The following TMEM26 variants were observed in gnomAD, a reference collection of about 807,000 sequenced individuals.
TMEM26 encodes transmembrane protein 26.
TMEM26 carries 38 observed loss-of-function variants against 28.8 expected under a neutral mutation model. The ratio of observed to expected loss-of-function variants is 1.32; its 90% CI spans 1.02 to 1.73. The LOEUF (loss-of-function observed/expected upper bound fraction) is 1.73. Among genes scored for constraint, TMEM26 ranks in the 40% most tolerant of loss-of-function variants. The probability of loss-of-function intolerance (pLI) is 0.00; values close to 1 mark genes in which losing one functional copy is unlikely to be tolerated. For synonymous variants in TMEM26, 227 were observed against 182.9 expected (o/e 1.24, Z -1.95); for missense variants, 518 against 447.1 (o/e 1.16, Z -1.43).
At chr10:61,422,776 G>C (rs1302998403) in intron 4 of TMEM26, among the ~76,000 whole-genome samples, 2 of 151,874 alleles carry the variant, frequency 1.3e-5, no homozygotes, top group Non-Finnish European at 2.9e-5. Flanking sequence ...AAAAAAAGAA[G>C]AGAAAATTAA....
At position 61,410,763 on chromosome 10, in the gene TMEM26, G is replaced by A; in HGVS notation, c.683-17C>T. 1.9e-6 allele frequency: 3 copies of A among 1,609,962 alleles called. No homozygotes were observed. In the South Asian group the frequency reaches 3.3e-5, roughly 18 times the overall value. ...CGTTCTGTACTGAAAACACAAGACA[G>A]ACTAGTTACTATCTCTCTTGGAAGT... On this transcript the variant is annotated splice_polypyrimidine_tract_variant and intron_variant, in intron 5 of 5. Coordinates refer to ENST00000399298, the MANE Select transcript of TMEM26 (RefSeq NM_178505.8).
intron 4 of TMEM26, among the ~76,000 whole-genome samples, chr10:61,420,804 G>A (rs1159336204): frequency 1.3e-5 from 2 of 151,542 alleles, no homozygotes; most frequent in Non-Finnish European, 2.9e-5. Flanking sequence ...CAGGTCGAAA[G>A]GAAATTACAC....
chr10:61,419,657 G>T (rs531956533), intron 4 of TMEM26, among the ~76,000 whole-genome samples: 9 of 152,090 alleles, frequency 5.9e-5, no homozygotes, highest in Admixed American at 5.9e-4. Flanking sequence ...AGTAAAAAAA[G>T]ATTGAAGGAA....
chr10:61,429,926 C>T (rs1839893660), intron 3 of TMEM26, among the ~76,000 whole-genome samples: 1 of 152,032 alleles, frequency 6.6e-6, no homozygotes, highest in Non-Finnish European at 1.5e-5. Context: ...ATGCAAGTGA[C>T]TTAACTATGT....
Position 61,429,061 on chromosome 10 carries a change from A to G in TMEM26, c.470T>C (p.Ile157Thr), listed in dbSNP as rs1262009663. Reference sequence around the variant, plus strand: ...AATGGGTAGAAGCCATCTTCCAATTATTAGCATTAACAGGAATGTCTGATG... The same window carrying G: ...AATGGGTAGAAGCCATCTTCCAATTGTTAGCATTAACAGGAATGTCTGATG... Reference protein sequence around the residue: ...GLHQTFLLMLIIGRWLLPIGG... With the variant: ...GLHQTFLLMLTIGRWLLPIGG... Residue 157 changes from isoleucine (I) to threonine (T), a missense_variant, in exon 4 of 6, where the codon ATA (isoleucine) becomes ACA (threonine). By Grantham distance (89) the Ile-to-Thr change is moderately conservative. Coordinates refer to ENST00000399298, the MANE Select transcript of TMEM26 (RefSeq NM_178505.8). 1.2e-6 allele frequency: 2 copies of G among 1,613,278 alleles called. No homozygotes were observed. The highest frequency in any genetic ancestry group is 1.7e-5 in the Admixed American group (1 of 59,916).
In TMEM26 at chr10:61,407,823, A is replaced by AT. The variant is rs2135280926; in HGVS notation, c.*2498dup. On this transcript the variant is annotated 3_prime_UTR_variant, in exon 6 of 6. Coordinates refer to ENST00000399298, the MANE Select transcript of TMEM26 (RefSeq NM_178505.8). ...TAGAGAGGATGACTTGCATCACATT[A>AT]TACAGGTGTTGTGAGTCAGTTATCT... is the stretch of plus-strand genomic sequence containing the variant. 1 of 152,290 alleles carries AT rather than the reference A, an allele frequency of 6.6e-6. No individual in the cohort carries two copies. Among genetic ancestry groups the AT allele is most frequent in the African/African-American group, 2.4e-5 (1 of 41,556 alleles). 9.4% of individuals were successfully genotyped at this position (152,290 alleles called of 1,614,324 possible).
chr10:61,408,311 A>C lies in TMEM26; in HGVS notation c.*2011T>G, dbSNP rs1839520846. 6.6e-6 allele frequency: 1 copy of C among 152,188 alleles called. No homozygotes were observed. Among genetic ancestry groups the C allele is most frequent in the African/African-American group, 2.4e-5 (1 of 41,436 alleles). The allele number at this position is 152,188 out of a possible 1,614,324, so 9.4% of individuals were successfully genotyped here. On this transcript the variant is annotated 3_prime_UTR_variant, in exon 6 of 6. Coordinates refer to ENST00000399298, the MANE Select transcript of TMEM26 (RefSeq NM_178505.8). ...AAGCCCACGAGGAGTCTAATTACAA[A>C]ATACTTTAATTTAAACACTAGAAAC... is the stretch of plus-strand genomic sequence containing the variant.
intron 4 of TMEM26, among the ~76,000 whole-genome samples, chr10:61,416,758 C>T (rs1323201253): frequency 6.6e-6 from 1 of 151,954 alleles, no homozygotes. Flanking sequence ...ATAAACATTA[C>T]ATAATTGTAG....
intron 3 of TMEM26, 50 bp from the exon 4 acceptor site, chr10:61,429,196 A>G (rs1374433935): frequency 3.0e-5 from 44 of 1,486,198 alleles, no homozygotes; most frequent in Non-Finnish European, 4.1e-5. Context: ...ACCACCTGAG[A>G]GAGAAATATT....
At chr10:61,416,451 AG>A in intron 4 of TMEM26, among the ~76,000 whole-genome samples, 1 of 152,172 alleles carries the variant, frequency 6.6e-6, no homozygotes, top group East Asian at 1.9e-4. Flanking sequence ...TTACATTATG[AG>A]GAAGACAATA....
chr10:61,453,243 C>G lies in TMEM26; in HGVS notation c.-162G>C, dbSNP rs1840324585. ...GCGCCCGATGCCGGTAGAACTGGTG[C>G]GCGGCTCGCCCCTCCCCCAAACTTC... On this transcript the variant is annotated 5_prime_UTR_variant, in exon 1 of 6. Transcript: ENST00000399298. 1 of 708,544 alleles carries G rather than the reference C, an allele frequency of 1.4e-6. No homozygotes were observed. The highest frequency in any genetic ancestry group is 2.3e-6 in the Non-Finnish European group (1 of 436,302). 43.9% of individuals were successfully genotyped at this position (708,544 alleles called of 1,614,324 possible). A position where few individuals can be genotyped will look rare whatever the true frequency, so the allele number is the denominator to read the frequency against.
intron 4 of TMEM26, among the ~76,000 whole-genome samples, chr10:61,416,296 T>C (rs1404382274): frequency 6.6e-6 from 1 of 152,090 alleles, no homozygotes; most frequent in Non-Finnish European, 1.5e-5. Context: ...GCAGGGGGCT[T>C]TGGTACCAAG....
At chr10:61,446,718 C>A (rs947492821) in intron 1 of TMEM26, among the ~76,000 whole-genome samples, 1 of 143,266 alleles carries the variant, frequency 7.0e-6, no homozygotes, top group Non-Finnish European at 1.5e-5. Context: ...ACTCAGCAGG[C>A]CAAGGCAGGG....
In TMEM26 at chr10:61,410,291, G is replaced by C; in HGVS notation, c.*31C>G. The C allele has an allele frequency of 6.4e-7, 1 of 1,573,114 alleles. No individual in the cohort carries two copies. On this transcript the variant is annotated 3_prime_UTR_variant, in exon 6 of 6. Transcript: ENST00000399298. ...CCTGTAAGAAGAACCAGGGAGTCAG[G>C]TTCTAGCCGCAGACCACTGTCAATC...
chr10:61,437,239 T>C (rs1341404927), intron 1 of TMEM26, among the ~76,000 whole-genome samples: 2 of 152,142 alleles, frequency 1.3e-5, no homozygotes. Context: ...TTAACCTTAA[T>C]GACCAAATTA....
Position 61,410,229 on chromosome 10 carries a change from T to C in TMEM26, c.*93A>G. Reference sequence around the variant, plus strand: ...CTTTTTATGTTGTTCTTTTGAAAATTATTATACGCCAAGGTTGGAGGAGAA... The same window carrying C: ...CTTTTTATGTTGTTCTTTTGAAAATCATTATACGCCAAGGTTGGAGGAGAA... On this transcript the variant is annotated 3_prime_UTR_variant, in exon 6 of 6. Coordinates refer to ENST00000399298, the MANE Select transcript of TMEM26 (RefSeq NM_178505.8). 1.5e-6 allele frequency: 2 copies of C among 1,350,494 alleles called. No homozygotes were observed. Among genetic ancestry groups the C allele is most frequent in the Non-Finnish European group, 2.0e-6 (2 of 1,001,438 alleles). 83.7% of individuals were successfully genotyped at this position (1,350,494 alleles called of 1,614,324 possible).
intron 1 of TMEM26, among the ~76,000 whole-genome samples, chr10:61,440,435 G>A (rs1012077254): frequency 6.6e-6 from 1 of 150,900 alleles, no homozygotes; most frequent in Non-Finnish European, 1.5e-5. Flanking sequence ...GCCCACTCAG[G>A]GCCCTGCCCA....
chr10:61,434,959 A>G (rs960063888), intron 2 of TMEM26, among the ~76,000 whole-genome samples: 3 of 152,218 alleles, frequency 2.0e-5, no homozygotes, highest in Admixed American at 6.5e-5. Flanking sequence ...TTACCAAAAT[A>G]TTATTAGGTC....
intron 4 of TMEM26, 89 bp downstream of exon 4, chr10:61,428,837 T>C: frequency 7.1e-6 from 8 of 1,127,230 alleles, no homozygotes; most frequent in Non-Finnish European, 1.0e-5. Flanking sequence ...AAAATTCTTA[T>C]TCATGTGAAA....
Sources: gnomAD v4.1 joint callset for allele counts (sites outside exome capture counted in the v4.1 genomes callset) on GRCh38, gnomAD v4.1.1 for gene constraint, MANE v1.5 for transcripts, NCBI Gene and HGNC (gene_info 2026-07-23, HGNC 2026-07-21) for gene names.